The following SASH1 variants were observed in gnomAD, a reference collection of about 807,000 sequenced individuals.
SASH1 encodes the protein SAM and SH3 domain-containing protein 1.
Under a neutral mutation model 125.2 loss-of-function variants are expected in SASH1, and 44 were observed. The ratio of observed to expected loss-of-function variants is 0.35; its 90% CI spans 0.28 to 0.45. The LOEUF (loss-of-function observed/expected upper bound fraction) is 0.45. Ranked by LOEUF, SASH1 falls within the 20% of genes least tolerant of loss-of-function variation. The probability of loss-of-function intolerance (pLI) is 1.00; values close to 1 mark genes in which losing one functional copy is unlikely to be tolerated. For missense variants in SASH1, 1,426 were observed against 1,614.5 expected, an observed-to-expected ratio of 0.88 and a Z score of 2.00; for synonymous variants, 639 against 649.1, an observed-to-expected ratio of 0.98 and a Z score of 0.24.
chr6:148,549,789 A>G lies in SASH1; in HGVS notation c.*1231A>G, dbSNP rs1782786855. Reference sequence around the variant, plus strand: ...AGTATTTGCTACTTTAAATTGTTTTACAACTGATTTCAGCACATTCTATCC... The same window carrying G: ...AGTATTTGCTACTTTAAATTGTTTTGCAACTGATTTCAGCACATTCTATCC... On this transcript the variant is annotated 3_prime_UTR_variant, in exon 20 of 20. Transcript: ENST00000367467. 1 of 385,644 alleles carries G rather than the reference A, an allele frequency of 2.6e-6. No homozygotes were observed. Among genetic ancestry groups the G allele is most frequent in the South Asian group, 1.4e-4 (1 of 6,924 alleles). 23.9% of individuals were successfully genotyped at this position (385,644 alleles called of 1,614,324 possible). A position where few individuals can be genotyped will look rare whatever the true frequency, so the allele number is the denominator to read the frequency against.
upstream of SASH1, among the ~76,000 whole-genome samples, chr6:148,269,462 AG>A (rs1221503477): frequency 1.3e-5 from 2 of 152,184 alleles, no homozygotes; most frequent in Non-Finnish European, 2.9e-5. Context: ...ATAGAGACAA[AG>A]TCTCACCATG....
intron 1 of SASH1, among the ~76,000 whole-genome samples, chr6:148,337,026 C>G (rs931712481): frequency 3.9e-5 from 6 of 152,076 alleles, no homozygotes; most frequent in African/African-American, 1.4e-4. Flanking sequence ...GGCTTTTAAA[C>G]TTTTGTAATT....
chr6:148,228,152 T>A, the SASH1 span, among the ~76,000 whole-genome samples: 21 of 152,358 alleles, frequency 1.4e-4, no homozygotes, highest in South Asian at 4.3e-3. Flanking sequence ...AAGTCGATTG[T>A]GAAGAGTTAC....
At chr6:148,221,662 A>G in the SASH1 span, among the ~76,000 whole-genome samples, 2 of 152,250 alleles carry the variant, frequency 1.3e-5, no homozygotes, top group South Asian at 4.1e-4. Context: ...GTTCATCTAG[A>G]CAAGGGGTGA....
chr6:148,420,836 T>C (rs749665633), intron 2 of SASH1, among the ~76,000 whole-genome samples: 3 of 152,094 alleles, frequency 2.0e-5, no homozygotes, highest in Non-Finnish European at 4.4e-5. Context: ...ATCCCAGCAC[T>C]TTGGGAGGCT....
chr6:148,391,352 C>T (rs889791845), intron 2 of SASH1, among the ~76,000 whole-genome samples: 9 of 151,670 alleles, frequency 5.9e-5, no homozygotes, highest in Non-Finnish European at 1.0e-4. Flanking sequence ...CAGGTGACCA[C>T]CCGCGTTGGC....
the SASH1 span, among the ~76,000 whole-genome samples, chr6:148,233,865 A>G: frequency 2.7e-5 from 4 of 150,554 alleles, no homozygotes; most frequent in African/African-American, 9.7e-5. Flanking sequence ...GTAAGCGATG[A>G]TGGCACCACC....
chr6:148,294,429 T>C (rs1779711547), intron 1 of SASH1, among the ~76,000 whole-genome samples: 1 of 152,086 alleles, frequency 6.6e-6, no homozygotes, highest in Non-Finnish European at 1.5e-5. Context: ...TAGGGATGGA[T>C]GGTATAGATC....
chr6:148,375,143 G>C (rs1414030745), intron 1 of SASH1, among the ~76,000 whole-genome samples: 2 of 151,124 alleles, frequency 1.3e-5, no homozygotes, highest in Admixed American at 1.3e-4. Flanking sequence ...GGCATGCACC[G>C]CCACACACAT....
intron 1 of SASH1, among the ~76,000 whole-genome samples, chr6:148,354,298 A>G (rs1445061267): frequency 6.6e-6 from 1 of 152,262 alleles, no homozygotes; most frequent in Non-Finnish European, 1.5e-5. Context: ...TGGTACCCAC[A>G]TTGCCATTTT....
At chr6:148,266,343 A>G in the SASH1 span, among the ~76,000 whole-genome samples, 1 of 152,168 alleles carries the variant, frequency 6.6e-6, no homozygotes, top group African/African-American at 2.4e-5. Context: ...AAATAAGAAA[A>G]GGCTTAGATA....
the SASH1 span, among the ~76,000 whole-genome samples, chr6:148,210,320 G>T: frequency 6.6e-6 from 1 of 152,186 alleles, no homozygotes; most frequent in African/African-American, 2.4e-5. Context: ...CTGAGGTCAG[G>T]AGTTCAAGAC....
chr6:148,322,156 G>A (rs967852320), intron 1 of SASH1, among the ~76,000 whole-genome samples: 30 of 152,048 alleles, frequency 2.0e-4, no homozygotes, highest in Non-Finnish European at 7.4e-5. Context: ...TTCGAGACCA[G>A]CCTGGCCAAC....
At position 148,549,923 on chromosome 6, in the gene SASH1, C is replaced by A; in HGVS notation, c.*1365C>A. 1 of 182,910 alleles carries A rather than the reference C, an allele frequency of 5.5e-6. No individual in the cohort carries two copies. Among genetic ancestry groups the A allele is most frequent in the East Asian group, 1.3e-4 (1 of 7,736 alleles). The allele number at this position is 182,910 out of a possible 1,614,324, so 11.3% of individuals were successfully genotyped here. A position where few individuals can be genotyped will look rare whatever the true frequency, so the allele number is the denominator to read the frequency against. On this transcript the variant is annotated 3_prime_UTR_variant, in exon 20 of 20. Transcript: ENST00000367467. ...CTCCCAGGTTCAAGTGATTCTCCTG[C>A]CTTAGCCTCCCGAGTAGCTGGGATT...
intron 12 of SASH1, among the ~76,000 whole-genome samples, chr6:148,531,084 A>G (rs1781484759): frequency 6.6e-6 from 1 of 152,158 alleles, no homozygotes; most frequent in Non-Finnish European, 1.5e-5. Context: ...TTCCAGGAAT[A>G]CACTTTTTTA....
chr6:148,229,832 C>T, the SASH1 span, among the ~76,000 whole-genome samples: 7 of 150,054 alleles, frequency 4.7e-5, no homozygotes, highest in East Asian at 1.4e-3. Context: ...CTGTCTCAGT[C>T]TCCTGGATAG....
chr6:148,438,454 T>A (rs981993180), intron 2 of SASH1, among the ~76,000 whole-genome samples: 2 of 152,064 alleles, frequency 1.3e-5, no homozygotes, highest in African/African-American at 4.8e-5. Context: ...TACTGTTTGG[T>A]AGAAATGGTG....
chr6:148,315,046 C>T (rs574257404), intron 1 of SASH1, among the ~76,000 whole-genome samples: 33 of 152,248 alleles, frequency 2.2e-4, no homozygotes, highest in Middle Eastern at 3.4e-3. Context: ...GTGTGAGCCA[C>T]TGTACTCAGC....
intron 1 of SASH1, among the ~76,000 whole-genome samples, chr6:148,294,916 A>G (rs1335316916): frequency 6.6e-6 from 1 of 152,210 alleles, no homozygotes; most frequent in African/African-American, 2.4e-5. Context: ...TTTCCAAAGA[A>G]TGGGAATTAA....
Sources: gnomAD v4.1 joint callset for allele counts (sites outside exome capture counted in the v4.1 genomes callset) on GRCh38, gnomAD v4.1.1 for gene constraint, MANE v1.5 for transcripts, NCBI Gene and HGNC (gene_info 2026-07-23, HGNC 2026-07-21) for gene names.